The following TDRD3 variants were observed in gnomAD, a reference collection of about 807,000 sequenced individuals.
TDRD3 encodes tudor domain containing 3, also known as tudor domain-containing protein 3.
A neutral mutation model predicts 86.7 loss-of-function variants in TDRD3; 45 were observed. The ratio of observed to expected loss-of-function variants is 0.52; its 90% CI spans 0.41 to 0.67. The LOEUF is 0.67. Among genes scored for constraint, TDRD3 ranks in the 30% least tolerant of loss-of-function variants. The pLI is 0.00. For missense variants in TDRD3, 814 were observed against 889.0 expected, an observed-to-expected ratio of 0.92 and a Z score of 1.07; for synonymous variants, 298 against 301.7, an observed-to-expected ratio of 0.99 and a Z score of 0.13.
chr13:60,572,294 T>C lies in TDRD3; in HGVS notation c.*10-1322T>C, dbSNP rs865889287. 3.9e-5 allele frequency among the ~76,000 whole-genome samples: 6 copies of C among 152,284 alleles called. No homozygotes were observed. The South Asian group carries it at 1.2e-3, about 32-fold the overall frequency. On this transcript the variant is annotated intron_variant, in intron 13 of 13. Coordinates refer to ENST00000377881, the MANE Select transcript of TDRD3 (RefSeq NM_001146070.2). ...CAAAACAATGGGTGTTAGAAATATT[T>C]TTCGGTGATGAAAACAGCATGGCTT...
chr13:60,521,594 G>C (rs1407742026), intron 10 of TDRD3, among the ~76,000 whole-genome samples: 1 of 152,068 alleles, frequency 6.6e-6, no homozygotes, highest in Non-Finnish European at 1.5e-5. Flanking sequence ...TCTACTTTTT[G>C]TTAAAAATGA....
chr13:60,453,534 G>T (rs1232547043), intron 3 of TDRD3, among the ~76,000 whole-genome samples: 2 of 152,114 alleles, frequency 1.3e-5, no homozygotes, highest in Non-Finnish European at 2.9e-5. Flanking sequence ...ATGAATATCA[G>T]CTCTTATTGG....
chr13:60,427,172 A>G (rs944609651), intron 1 of TDRD3, among the ~76,000 whole-genome samples: 3 of 152,190 alleles, frequency 2.0e-5, no homozygotes, highest in African/African-American at 7.2e-5. Context: ...TCTTAAGAGC[A>G]AATAGCTGTA....
intron 13 of TDRD3, among the ~76,000 whole-genome samples, chr13:60,570,091 A>G (rs79712334): frequency 0.036 from 5,517 of 152,278 alleles, 367 homozygotes; most frequent in African/African-American, 0.13. Context: ...AAAAGATCCT[A>G]CATAGCAAAG....
chr13:60,531,787 A>C (rs2137799009), intron 11 of TDRD3, among the ~76,000 whole-genome samples: 1 of 152,318 alleles, frequency 6.6e-6, no homozygotes, highest in East Asian at 1.9e-4. Flanking sequence ...TCCAGTACTT[A>C]TCTGCAGTGT....
chr13:60,460,307 T>A, intron 3 of TDRD3, 73 bp from the exon 4 acceptor site: 1 of 1,327,386 alleles, frequency 7.5e-7, no homozygotes, highest in Non-Finnish European at 1.0e-6. Flanking sequence ...AGAGAAACAC[T>A]ATAAATGAAA....
chr13:60,464,736 G>C (rs1048830367), intron 4 of TDRD3, among the ~76,000 whole-genome samples: 1 of 152,084 alleles, frequency 6.6e-6, no homozygotes, highest in Non-Finnish European at 1.5e-5. Flanking sequence ...TCTCATTCAT[G>C]TGGGAACTAA....
intron 13 of TDRD3, among the ~76,000 whole-genome samples, chr13:60,571,259 A>G (rs762012834): frequency 5.9e-5 from 9 of 152,226 alleles, no homozygotes; most frequent in Non-Finnish European, 5.9e-5. Context: ...AGAATGAAAT[A>G]TCTCTTTGAC....
chr13:60,462,556 A>G (rs550205241), intron 4 of TDRD3, among the ~76,000 whole-genome samples: 2 of 152,294 alleles, frequency 1.3e-5, no homozygotes, highest in African/African-American at 4.8e-5. Flanking sequence ...ACAACTCTCT[A>G]GATGGGATAA....
intron 1 of TDRD3, among the ~76,000 whole-genome samples, chr13:60,407,889 G>T (rs957496526): frequency 6.6e-6 from 1 of 152,180 alleles, no homozygotes; most frequent in Non-Finnish European, 1.5e-5. Flanking sequence ...GTTGTGGGAG[G>T]GACCCAGCGG....
intron 7 of TDRD3, among the ~76,000 whole-genome samples, chr13:60,491,644 T>C (rs1234419880): frequency 2.0e-5 from 3 of 152,118 alleles, no homozygotes; most frequent in Non-Finnish European, 4.4e-5. Context: ...ATCGAGGAAG[T>C]TGTTTATTCC....
intron 11 of TDRD3, among the ~76,000 whole-genome samples, chr13:60,532,373 C>G (rs770014780): frequency 2.6e-5 from 4 of 152,138 alleles, no homozygotes; most frequent in Middle Eastern, 3.4e-3. Flanking sequence ...ATTACACCAC[C>G]CTTAACCATT....
chr13:60,555,074 A>G (rs907848742), intron 12 of TDRD3, among the ~76,000 whole-genome samples: 5 of 152,168 alleles, frequency 3.3e-5, no homozygotes, highest in South Asian at 2.1e-4. Context: ...TCTTGGGGAT[A>G]CTTTTTCTTC....
intron 1 of TDRD3, among the ~76,000 whole-genome samples, chr13:60,417,221 T>C (rs532526275): frequency 6.6e-6 from 1 of 152,066 alleles, no homozygotes; most frequent in African/African-American, 2.4e-5. Context: ...TGCTATGTTG[T>C]CCAGGCTGGT....
At chr13:60,519,391 T>A (rs1014426502) in intron 10 of TDRD3, among the ~76,000 whole-genome samples, 1 of 152,198 alleles carries the variant, frequency 6.6e-6, no homozygotes, top group African/African-American at 2.4e-5. Context: ...AACATAAGGT[T>A]ATTTCTAAAT....
intron 1 of TDRD3, among the ~76,000 whole-genome samples, chr13:60,428,494 G>T (rs1954866814): frequency 6.6e-6 from 1 of 152,078 alleles, no homozygotes; most frequent in South Asian, 2.1e-4. Context: ...ATTAATAGCA[G>T]AGGCATGCAA....
At chr13:60,436,105 G>GT (rs1431651788) in intron 1 of TDRD3, among the ~76,000 whole-genome samples, 27 of 140,156 alleles carry the variant, frequency 1.9e-4, no homozygotes, top group African/African-American at 6.2e-4. Context: ...TTTTGGATGG[G>GT]TTGTTTTTTT....
rs143103343 is a variant in TDRD3, at chr13:60,572,625, C to T, written c.*10-991C>T. On this transcript the variant is annotated intron_variant, in intron 13 of 13. Coordinates refer to ENST00000377881, the MANE Select transcript of TDRD3 (RefSeq NM_001146070.2). The stretch of plus-strand genomic sequence containing the variant: ...TCAATGTGTAAAGCAGTTAAATAAA[C>T]GCTGACTCACTTGGAACTTCCAGTT... Among the ~76,000 whole-genome samples, 533 of 152,256 alleles carry T rather than the reference C, an allele frequency of 3.5e-3. 7 individuals are homozygous for T. The highest frequency in any genetic ancestry group is 0.017 in the Middle Eastern group (5 of 294).
intron 10 of TDRD3, among the ~76,000 whole-genome samples, chr13:60,513,309 G>A (rs575204174): frequency 8.5e-5 from 13 of 152,148 alleles, no homozygotes; most frequent in African/African-American, 3.1e-4. Flanking sequence ...TTTCCTCCTA[G>A]GCCTCCTGGC....
Sources: allele counts gnomAD v4.1 joint callset (sites outside exome capture counted in the v4.1 genomes callset), GRCh38; gene constraint gnomAD v4.1.1; transcripts MANE v1.5; gene names NCBI Gene and HGNC (gene_info 2026-07-23, HGNC 2026-07-21).